BANK1: variants seen among roughly 807,000 people sequenced by gnomAD.
BANK1 encodes the protein B cell scaffold protein with ankyrin repeats 1, also known as B-cell scaffold protein with ankyrin repeats.
A neutral mutation model predicts 94.5 loss-of-function variants in BANK1; 95 were observed. The ratio of observed to expected loss-of-function variants is 1.00; its 90% CI spans 0.85 to 1.19. The LOEUF (loss-of-function observed/expected upper bound fraction) is 1.19, where lower values mean the gene tolerates loss of function less well. Ranked by LOEUF, BANK1 falls within the 50% of genes most tolerant of loss-of-function variation. The pLI, the probability that BANK1 is intolerant of heterozygous loss-of-function variation, is 0.00. For synonymous variants in BANK1, 334 were observed against 308.4 expected, an observed-to-expected ratio of 1.08 and a Z score of -0.87; for missense variants, 987 against 932.2, an observed-to-expected ratio of 1.06 and a Z score of -0.77.
intron 8 of BANK1, among the ~76,000 whole-genome samples, chr4:102,024,812 G>T (rs1172931860): frequency 1.3e-5 from 2 of 152,002 alleles, no homozygotes; most frequent in Non-Finnish European, 2.9e-5. Context: ...GCAAGTAAAG[G>T]TTTGTGTCTT....
chr4:101,907,171 G>A (rs1444982534), intron 6 of BANK1, among the ~76,000 whole-genome samples: 1 of 152,168 alleles, frequency 6.6e-6, no homozygotes, highest in Non-Finnish European at 1.5e-5. Flanking sequence ...ATTGTTTGTG[G>A]CTTAAGAATG....
At chr4:102,023,141 A>G (rs1392481089) in intron 8 of BANK1, among the ~76,000 whole-genome samples, 3 of 152,248 alleles carry the variant, frequency 2.0e-5, no homozygotes, top group African/African-American at 7.2e-5. Context: ...TACCTGTAAC[A>G]GAACATAGTC....
intron 1 of BANK1, among the ~76,000 whole-genome samples, chr4:101,821,904 A>G (rs960437751): frequency 4.6e-5 from 7 of 152,206 alleles, no homozygotes; most frequent in African/African-American, 1.2e-4. Flanking sequence ...CTTTCTTCTC[A>G]TCTGATATTC....
At chr4:101,915,695 G>A (rs1014361030) in intron 6 of BANK1, among the ~76,000 whole-genome samples, 1 of 152,024 alleles carries the variant, frequency 6.6e-6, no homozygotes, top group African/African-American at 2.4e-5. Flanking sequence ...TTTCCACTAC[G>A]ATATTTTATG....
chr4:101,802,017 T>C (rs935117710), intron 1 of BANK1, among the ~76,000 whole-genome samples: 1 of 152,182 alleles, frequency 6.6e-6, no homozygotes, highest in African/African-American at 2.4e-5. Context: ...GATGGGGGCG[T>C]GGCAAGCCAG....
intron 7 of BANK1, among the ~76,000 whole-genome samples, chr4:101,999,310 T>C (rs1725984409): frequency 6.6e-6 from 1 of 152,248 alleles, no homozygotes; most frequent in Non-Finnish European, 1.5e-5. Context: ...ACTTTGATTC[T>C]TTGGCTCTTT....
intron 10 of BANK1, 105 bp downstream of exon 10, chr4:102,030,370 G>A (rs748954909): frequency 2.0e-4 from 241 of 1,179,016 alleles, no homozygotes; most frequent in Non-Finnish European, 2.4e-4. Flanking sequence ...AAACTCCAAA[G>A]AGTAAACATT....
intron 7 of BANK1, among the ~76,000 whole-genome samples, chr4:101,965,738 T>A (rs1159950959): frequency 6.6e-6 from 1 of 152,048 alleles, no homozygotes; most frequent in Admixed American, 6.6e-5. Flanking sequence ...TTCACTGAGG[T>A]AGGCCTAGAT....
intron 10 of BANK1, among the ~76,000 whole-genome samples, chr4:102,037,759 AG>A (rs1207330385): frequency 1.3e-5 from 2 of 152,206 alleles, no homozygotes; most frequent in African/African-American, 4.8e-5. Flanking sequence ...CCTACTTCAC[AG>A]GGTTTTCATG....
chr4:102,022,569 T>TC (rs561273620), intron 8 of BANK1, among the ~76,000 whole-genome samples: 240 of 152,242 alleles, frequency 1.6e-3, no homozygotes, highest in Non-Finnish European at 2.5e-3. Context: ...CGGAAATTGT[T>TC]CTATTGTTAT....
chr4:101,864,995 T>G (rs1034875658), intron 4 of BANK1, among the ~76,000 whole-genome samples: 1 of 152,094 alleles, frequency 6.6e-6, no homozygotes, highest in Non-Finnish European at 1.5e-5. Flanking sequence ...CTAGTTTCTA[T>G]GACCTGCCTT....
At chr4:102,007,090 ATAATATATTT>A (rs1726299899) in intron 7 of BANK1, among the ~76,000 whole-genome samples, 3 of 91,778 alleles carry the variant, frequency 3.3e-5, no homozygotes, top group Non-Finnish European at 4.4e-5. Context: ...AAATATATAT[ATAATATATTT>A]ATATATATAT....
chr4:101,847,404 A>G lies in BANK1; in HGVS notation c.470-7631A>G, dbSNP rs143318637. Reference sequence around the variant, plus strand: ...TACTATTATTATTTTTAATTTTTCCATAAGTTATTGGGGTGCAGGTGGTAT... The same window carrying G: ...TACTATTATTATTTTTAATTTTTCCGTAAGTTATTGGGGTGCAGGTGGTAT... On this transcript the variant is annotated intron_variant, in intron 2 of 16. Transcript: ENST00000322953. Among the ~76,000 whole-genome samples, 883 of 151,634 alleles carry G rather than the reference A, an allele frequency of 5.8e-3. 5 individuals carry two copies. Among genetic ancestry groups the G allele is most frequent in the Middle Eastern group, 0.014 (4 of 292 alleles).
chr4:102,029,523 T>C (rs1418105761), intron 9 of BANK1, among the ~76,000 whole-genome samples: 2 of 148,238 alleles, frequency 1.3e-5, no homozygotes, highest in African/African-American at 4.9e-5. Flanking sequence ...GTATATATAA[T>C]ATATAAAATA....
intron 1 of BANK1, among the ~76,000 whole-genome samples, chr4:101,799,021 C>T (rs2148849449): frequency 6.6e-6 from 1 of 152,262 alleles, no homozygotes; most frequent in East Asian, 1.9e-4. Flanking sequence ...GTGTTTTAGT[C>T]ATGAAGTCCT....
intron 6 of BANK1, among the ~76,000 whole-genome samples, chr4:101,901,271 C>T (rs998109751): frequency 7.2e-5 from 11 of 152,164 alleles, no homozygotes; most frequent in African/African-American, 2.6e-4. Flanking sequence ...ATTATGTACC[C>T]CAAATATATA....
intron 1 of BANK1, among the ~76,000 whole-genome samples, chr4:101,808,108 T>A (rs899149920): frequency 4.0e-4 from 60 of 151,498 alleles, no homozygotes; most frequent in African/African-American, 1.2e-3. Context: ...AAATGAAATT[T>A]AAAAAAATAA....
At chr4:101,802,188 C>T (rs1725377134) in intron 1 of BANK1, among the ~76,000 whole-genome samples, 1 of 152,208 alleles carries the variant, frequency 6.6e-6, no homozygotes, top group South Asian at 2.1e-4. Context: ...AAGGACCACG[C>T]CCTTCCCAGT....
intron 6 of BANK1, among the ~76,000 whole-genome samples, chr4:101,911,392 T>C (rs560026798): frequency 6.6e-6 from 1 of 152,344 alleles, no homozygotes; most frequent in East Asian, 1.9e-4. Flanking sequence ...TAACCTCAGA[T>C]ACTCTTTTCA....
Sources: gnomAD v4.1 joint callset for allele counts (sites outside exome capture counted in the v4.1 genomes callset) on GRCh38, gnomAD v4.1.1 for gene constraint, MANE v1.5 for transcripts, NCBI Gene and HGNC (gene_info 2026-07-23, HGNC 2026-07-21) for gene names.